WDR17: variants seen among roughly 807,000 people sequenced by gnomAD.
WDR17 encodes WD repeat domain 17.
WDR17 carries 143 observed loss-of-function variants against 161.7 expected under a neutral mutation model. That is an observed-to-expected ratio of 0.88 (90% CI 0.77 to 1.02). WDR17 has a LOEUF of 1.02. Among genes scored for constraint, WDR17 ranks in the 50% least tolerant of loss-of-function variants. WDR17 has a pLI of 0.00. For missense variants in WDR17, 1,469 were observed against 1,520.9 expected (o/e 0.97, Z 0.57); for synonymous variants, 517 against 515.6 (o/e 1.00, Z -0.04).
At chr4:176,141,028 C>T (rs867003701) in intron 10 of WDR17, among the ~76,000 whole-genome samples, 152 of 152,270 alleles carry the variant, frequency 1.0e-3, no homozygotes, top group African/African-American at 3.5e-3. Flanking sequence ...GGCCTAATAA[C>T]ATTTAAGACA....
At position 176,172,458 on chromosome 4, in the gene WDR17, T is replaced by C. The variant is rs1318278320; in HGVS notation, c.3186T>C (p.Tyr1062=). Residue 1062 remains tyrosine, a synonymous_variant, in exon 24 of 29, where the codon TAT becomes TAC. Transcript: ENST00000508596. Reference sequence around the variant, plus strand: ...ACAATATATTTGAAACTGTAAAATATTACTTGTTAAGTCAAGAACCTGAAA... The same window carrying C: ...ACAATATATTTGAAACTGTAAAATACTACTTGTTAAGTCAAGAACCTGAAA... The part of the protein sequence containing the change: ...ADDNIFETVK[Y]YLLSQEPEKA... 6.2e-7 allele frequency: 1 copy of C among 1,611,174 alleles called. No individual in the cohort carries two copies. The highest frequency in any genetic ancestry group is 8.5e-7 in the Non-Finnish European group (1 of 1,179,294).
chr4:176,076,214 A>AATATATATATATATAT (rs1219401869), intron 1 of WDR17, among the ~76,000 whole-genome samples: 7 of 62,256 alleles, frequency 1.1e-4, no homozygotes, highest in Admixed American at 1.6e-4. Flanking sequence ...TTACATATAT[A>AATATATATATATATAT]ATATATATAT....
intron 5 of WDR17, among the ~76,000 whole-genome samples, chr4:176,127,632 T>C (rs1192094664): frequency 6.6e-6 from 1 of 152,186 alleles, no homozygotes; most frequent in Non-Finnish European, 1.5e-5. Flanking sequence ...TTTATTACTA[T>C]TACTGAAATA....
At chr4:176,125,760 T>C (rs2126738057) in intron 5 of WDR17, among the ~76,000 whole-genome samples, 1 of 152,340 alleles carries the variant, frequency 6.6e-6, no homozygotes, top group African/African-American at 2.4e-5. Flanking sequence ...TTTGTGTTGC[T>C]GTAACTGAAT....
chr4:176,127,023 G>A (rs1742558660), intron 5 of WDR17, among the ~76,000 whole-genome samples: 1 of 152,106 alleles, frequency 6.6e-6, no homozygotes, highest in African/African-American at 2.4e-5. Context: ...CCAGTCTTGG[G>A]TATGTCTTTA....
chr4:176,126,765 G>A (rs1487046810), intron 5 of WDR17, among the ~76,000 whole-genome samples: 1 of 152,150 alleles, frequency 6.6e-6, no homozygotes, highest in Non-Finnish European at 1.5e-5. Context: ...GGACCCAGCT[G>A]GAGCTAATGG....
intron 1 of WDR17, among the ~76,000 whole-genome samples, chr4:176,104,426 T>C (rs889212571): frequency 6.6e-6 from 1 of 152,072 alleles, no homozygotes; most frequent in Non-Finnish European, 1.5e-5. Context: ...GAGAATAAAA[T>C]ATTTTAAAAA....
rs1211042111 is a variant in WDR17, at chr4:176,065,929, C to A, written c.-157C>A. 1 of 152,046 alleles carries A rather than the reference C, an allele frequency of 6.6e-6. No homozygotes were observed. The highest frequency in any genetic ancestry group is 6.5e-5 in the Admixed American group (1 of 15,268). 9.4% of individuals were successfully genotyped at this position (152,046 alleles called of 1,614,324 possible). ...AGCACGCTTCCCGCCCCTCGGAGCC[C>A]GCGGGCCCGGCCGCCCCGCCCCCGG... On this transcript the variant is annotated 5_prime_UTR_variant, in exon 1 of 29. Transcript: ENST00000508596.
intron 16 of WDR17, among the ~76,000 whole-genome samples, chr4:176,150,869 ACTGTGACATGTGGACTATT>A (rs1266019611): frequency 6.6e-6 from 1 of 152,166 alleles, no homozygotes; most frequent in Non-Finnish European, 1.5e-5. Flanking sequence ...TTAGCAGATG[ACTGTGACATGTGGACTATT>A]CTAATTTTAG....
chr4:176,129,540 T>C (rs1445173879), intron 6 of WDR17, among the ~76,000 whole-genome samples: 4 of 152,286 alleles, frequency 2.6e-5, no homozygotes, highest in African/African-American at 9.6e-5. Flanking sequence ...ATGATTACTC[T>C]GCATGGTTGG....
intron 27 of WDR17, 123 bp from the exon 28 acceptor site, chr4:176,177,348 C>A: frequency 9.4e-7 from 1 of 1,059,114 alleles, no homozygotes; most frequent in Non-Finnish European, 1.4e-6. Context: ...TAAATTAAGT[C>A]TAAAGGGATT....
intron 10 of WDR17, 45 bp from the exon 11 acceptor site, chr4:176,141,938 A>G (rs1211509630): frequency 2.2e-6 from 3 of 1,380,102 alleles, no homozygotes; most frequent in Non-Finnish European, 3.0e-6. Context: ...TGAATAATGT[A>G]TTTAGAGTAT....
chr4:176,080,617 T>C (rs1734619671), intron 1 of WDR17, among the ~76,000 whole-genome samples: 1 of 152,126 alleles, frequency 6.6e-6, no homozygotes. Context: ...CATTGACTAG[T>C]GGAGGTTTTA....
chr4:176,131,773 AG>A (rs1174401050), intron 7 of WDR17, 35 bp downstream of exon 7: 2 of 1,468,348 alleles, frequency 1.4e-6, no homozygotes, highest in Non-Finnish European at 9.1e-7. Context: ...TATACATAAT[AG>A]TTTTTTGTGT....
intron 1 of WDR17, among the ~76,000 whole-genome samples, chr4:176,082,294 A>G (rs1734848837): frequency 6.6e-6 from 1 of 152,110 alleles, no homozygotes; most frequent in African/African-American, 2.4e-5. Context: ...ATAGACAGTA[A>G]TGACTGAATT....
intron 1 of WDR17, among the ~76,000 whole-genome samples, chr4:176,084,873 C>T (rs1043434797): frequency 1.3e-5 from 2 of 150,044 alleles, no homozygotes; most frequent in Non-Finnish European, 3.0e-5. Flanking sequence ...CTGTTCTGTG[C>T]CCCACTGAAT....
intron 6 of WDR17, 130 bp downstream of exon 6, chr4:176,128,990 A>T: frequency 1.3e-6 from 1 of 754,348 alleles, no homozygotes; most frequent in Non-Finnish European, 2.0e-6. Flanking sequence ...CTTTGACAAT[A>T]TATGTGCTCA....
At chr4:176,066,237 C>T (rs1189313796) in intron 1 of WDR17, among the ~76,000 whole-genome samples, 158 bp downstream of exon 1, 1 of 152,134 alleles carries the variant, frequency 6.6e-6, no homozygotes, top group Non-Finnish European at 1.5e-5. Flanking sequence ...CACCATGGTG[C>T]CTGATGAGAT....
intron 4 of WDR17, among the ~76,000 whole-genome samples, 199 bp downstream of exon 4, chr4:176,120,296 A>ATATATATATATATATT (rs1741351570): frequency 1.3e-5 from 1 of 75,838 alleles, no homozygotes; most frequent in South Asian, 4.9e-4. Context: ...TTTTATATAT[A>ATATATATATATATATT]TATATATATA....
Sources: gnomAD v4.1 joint callset for allele counts (sites outside exome capture counted in the v4.1 genomes callset) on GRCh38, gnomAD v4.1.1 for gene constraint, MANE v1.5 for transcripts, NCBI Gene and HGNC (gene_info 2026-07-23, HGNC 2026-07-21) for gene names.